Variants in ZBTB21 observed in about 807,000 individuals in gnomAD.
ZBTB21 encodes the protein zinc finger and BTB domain containing 21.
Under a neutral mutation model 39.8 loss-of-function variants are expected in ZBTB21, and 10 were observed. The ratio of observed to expected loss-of-function variants is 0.25; its 90% CI spans 0.16 to 0.43. ZBTB21 has a LOEUF of 0.43. Ranked by LOEUF, ZBTB21 falls within the 20% of genes least tolerant of loss-of-function variation. ZBTB21 has a pLI of 1.00. For synonymous variants in ZBTB21, 551 were observed against 498.8 expected, an observed-to-expected ratio of 1.10 and a Z score of -1.40; for missense variants, 1,221 against 1,296.3, an observed-to-expected ratio of 0.94 and a Z score of 0.89.
intron 2 of ZBTB21, among the ~76,000 whole-genome samples, chr21:41,994,739 C>T (rs2065722887): frequency 6.6e-6 from 1 of 152,176 alleles, no homozygotes. Context: ...GGACCACAAG[C>T]ACATGCCACC....
Position 41,993,016 on chromosome 21 carries a change from T to C in ZBTB21, c.1080A>G (p.Lys360=), listed in dbSNP as rs772128032. 56 of 1,614,212 alleles carry C rather than the reference T, an allele frequency of 3.5e-5. No individual in the cohort carries two copies. Among genetic ancestry groups the C allele is most frequent in the Non-Finnish European group, 4.2e-5 (50 of 1,180,036 alleles). Residue 360 remains lysine, a synonymous_variant, in exon 3 of 3, where the codon AAA becomes AAG. Coordinates refer to ENST00000310826, the MANE Select transcript of ZBTB21 (RefSeq NM_001098402.2). ...VPVYSPSIDL[K]SSQGSSSVSS... ...ACACCGAAGATGATCCCTGGGAAGA[T>C]TTCAAATCTATGGAAGGTGAATAGA...
rs185137215 is a variant in ZBTB21, at chr21:41,998,132, T to G, written c.-13-4024A>C. Among the ~76,000 whole-genome samples, 523 of 152,184 alleles carry G rather than the reference T, an allele frequency of 3.4e-3. 4 individuals are homozygous for G. The highest frequency in any genetic ancestry group is 5.5e-3 in the Non-Finnish European group (372 of 68,008). On this transcript the variant is annotated intron_variant, in intron 2 of 2. Coordinates refer to ENST00000310826, the MANE Select transcript of ZBTB21 (RefSeq NM_001098402.2). ...AGCCATTTCATGCAGAGACAATGCC[T>G]GACTCTGTGTATTTGACCCTTTATT...
At chr21:42,008,031 C>G (rs898353125) in intron 1 of ZBTB21, 1 of 152,284 alleles carries the variant, frequency 6.6e-6, no homozygotes, top group Non-Finnish European at 1.5e-5. Flanking sequence ...AACTCCACAA[C>G]TCTCGTCCCT....
rs374209894 is a variant in ZBTB21 at position 42,002,000 on chromosome 21, A to T, written c.-14+897T>A. ...AGGTGGCTTTGCCTGGTGAAAGGTA[A>T]AGGTACACATAGGGGAGGAAATGCC... On this transcript the variant is annotated intron_variant, in intron 2 of 2. Transcript: ENST00000310826. Among the ~76,000 whole-genome samples, 3 of 152,308 alleles carry T rather than the reference A, an allele frequency of 2.0e-5. No individual in the cohort carries two copies. In the East Asian group the frequency reaches 5.8e-4, roughly 29 times the overall value.
chr21:42,004,493 G>A (rs2065855340), intron 1 of ZBTB21, among the ~76,000 whole-genome samples: 1 of 151,820 alleles, frequency 6.6e-6, no homozygotes, highest in South Asian at 2.1e-4. Context: ...GGTACCAGGG[G>A]GTGAGTGAGG....
intron 1 of ZBTB21, chr21:42,009,180 G>A (rs13052134): frequency 0.024 from 3,602 of 152,148 alleles, 57 homozygotes; most frequent in Non-Finnish European, 0.039. Context: ...CCGTCCTCTC[G>A]GTCAGGCAAT....
Position 42,004,948 on chromosome 21 carries a change from G to T in ZBTB21, c.-78-1987C>A, listed in dbSNP as rs114398270. The stretch of plus-strand genomic sequence containing the variant: ...TTTCGGTCTTATCATCACTCACTTG[G>T]TGACAACGCAAATATCCTCAGATTT... On this transcript the variant is annotated intron_variant, in intron 1 of 2. Coordinates refer to ENST00000310826, the MANE Select transcript of ZBTB21 (RefSeq NM_001098402.2). Among the ~76,000 whole-genome samples, 384 of 152,298 alleles carry T rather than the reference G, an allele frequency of 2.5e-3. 4 individuals are homozygous for T. The highest frequency in any genetic ancestry group is 9.0e-3 in the African/African-American group (373 of 41,540).
intron 1 of ZBTB21, among the ~76,000 whole-genome samples, chr21:42,008,379 G>A (rs1310794560): frequency 6.9e-6 from 1 of 144,564 alleles, no homozygotes; most frequent in African/African-American, 2.6e-5. Flanking sequence ...TTAGCTGGGC[G>A]ATGTGGCGGA....
chr21:42,001,031 G>C (rs909679582), intron 2 of ZBTB21, among the ~76,000 whole-genome samples: 8 of 152,174 alleles, frequency 5.3e-5, no homozygotes, highest in African/African-American at 1.7e-4. Context: ...TTATTTTTAT[G>C]TATTAACTCA....
At chr21:41,995,795 C>T (rs544308838) in intron 2 of ZBTB21, among the ~76,000 whole-genome samples, 2 of 152,330 alleles carry the variant, frequency 1.3e-5, no homozygotes, top group East Asian at 3.9e-4. Context: ...CCCAGGGCCC[C>T]CTTTCTGTGT....
Position 41,991,974 on chromosome 21 carries a change from CTT to C in ZBTB21, c.2120_2121del (p.Lys707ArgfsTer21). On this transcript the variant is annotated frameshift_variant, in exon 3 of 3. Transcript: ENST00000310826. LOFTEE classifies it high-confidence loss of function. The surrounding 1 kb of genome is among the most constrained non-coding windows in gnomAD (Gnocchi z 4.9). ...ACTGGACTTGCAAGAGGAGCATGCT[CTT>C]TTGGTTTAGCAACTTTATTTACTCC... The part of the protein sequence containing the change: ...PLGVNKVAKP[K>X]EHAPLASPVE... 1 of 1,614,148 alleles carries C rather than the reference CTT, an allele frequency of 6.2e-7. No individual in the cohort carries two copies. The highest frequency in any genetic ancestry group is 8.5e-7 in the Non-Finnish European group (1 of 1,180,036).
intron 1 of ZBTB21, among the ~76,000 whole-genome samples, chr21:42,010,043 G>C (rs1434898706): frequency 1.3e-5 from 2 of 152,248 alleles, no homozygotes; most frequent in African/African-American, 2.4e-5. Flanking sequence ...GGTACAATCG[G>C]CTACGTGGGA....
intron 2 of ZBTB21, chr21:42,002,533 G>C (rs930069095): frequency 4.3e-4 from 65 of 152,292 alleles, no homozygotes; most frequent in African/African-American, 1.4e-3. Context: ...TTGTTGCCGG[G>C]TGTACTTTCT....
Position 41,994,026 on chromosome 21 carries a change from G to A in ZBTB21, c.70C>T (p.Arg24Cys), listed in dbSNP as rs2065712288. 1.2e-6 allele frequency: 2 copies of A among 1,614,104 alleles called. No homozygotes were observed. The highest frequency in any genetic ancestry group is 8.5e-7 in the Non-Finnish European group (1 of 1,179,980). ...ACATCACACAGCTGTCCTTTGAGACGCTCCTCATTCAGGGCACTTAGGAGA... is the reference window on the plus strand; with the variant it reads ...ACATCACACAGCTGTCCTTTGAGACACTCCTCATTCAGGGCACTTAGGAGA... ...ISLLSALNEE[R>C]LKGQLCDVLL... is the part of the protein sequence containing the mutation. Residue 24 changes from arginine to cysteine, a missense_variant, in exon 3 of 3, where the codon CGT becomes TGT. Coordinates refer to ENST00000310826, the MANE Select transcript of ZBTB21 (RefSeq NM_001098402.2).
rs1238595035 is a variant in ZBTB21 at position 41,990,116 on chromosome 21, T to G, written c.*779A>C. On this transcript the variant is annotated 3_prime_UTR_variant, in exon 3 of 3. Coordinates refer to ENST00000310826, the MANE Select transcript of ZBTB21 (RefSeq NM_001098402.2). ...AATTTAGACTGTGGTGCAGTGTACA[T>G]GTAACATGGTACAAGTTTTTATAAC... The G allele has an allele frequency of 6.6e-6, 1 of 152,300 alleles. No homozygotes were observed. Among genetic ancestry groups the G allele is most frequent in the African/African-American group, 2.4e-5 (1 of 41,460 alleles). The allele number at this position is 152,300 out of a possible 1,614,324, so 9.4% of individuals were successfully genotyped here.
chr21:41,993,098 C>A lies in ZBTB21; in HGVS notation c.998G>T (p.Gly333Val). The stretch of plus-strand genomic sequence containing the variant: ...TCTGAGGAGACTCTTAACAAGTGGG[C>A]CACTCCTGTCAATGCTTTGGTTTCC... ...GSGNQSIDRS[G>V]PLVKSLLRRS... is the part of the protein sequence containing the mutation. Residue 333 changes from glycine to valine, a missense_variant, in exon 3 of 3, where the codon GGC (glycine) becomes GTC (valine). This residue lies in a region of ZBTB21 where 500 missense variants were observed against 465.6 expected (regional missense o/e 1.07). Transcript: ENST00000310826. 1.2e-6 allele frequency: 2 copies of A among 1,614,210 alleles called. No individual in the cohort carries two copies. The highest frequency in any genetic ancestry group is 1.7e-6 in the Non-Finnish European group (2 of 1,180,034).
Position 41,991,322 on chromosome 21 carries a change from T to G in ZBTB21, c.2774A>C (p.Glu925Ala). Residue 925 changes from glutamate (E) to alanine (A), a missense_variant, in exon 3 of 3, where the codon GAG (glutamate) becomes GCG (alanine). Glu to Ala is a moderately radical substitution (Grantham distance 107, BLOSUM62 -1). Coordinates refer to ENST00000310826, the MANE Select transcript of ZBTB21 (RefSeq NM_001098402.2). The surrounding 1 kb of genome is among the most constrained non-coding windows in gnomAD (Gnocchi z 4.9). ...AGAGCACAGAAGCTCCTGGTGACGCTCCAGCTGCTTATGCACCGTGAACAT... is the reference window on the plus strand; with the variant it reads ...AGAGCACAGAAGCTCCTGGTGACGCGCCAGCTGCTTATGCACCGTGAACAT... ...GKMFTVHKQL[E>A]RHQELLCSVK... is the part of the protein sequence containing the mutation. 2 of 1,610,214 alleles carry G rather than the reference T, an allele frequency of 1.2e-6. No homozygotes were observed. Among genetic ancestry groups the G allele is most frequent in the Non-Finnish European group, 1.7e-6 (2 of 1,177,902 alleles).
chr21:42,004,028 C>G (rs894534422), intron 1 of ZBTB21, among the ~76,000 whole-genome samples: 1 of 142,150 alleles, frequency 7.0e-6, no homozygotes, highest in Admixed American at 7.2e-5. Flanking sequence ...TTTGAAGAGT[C>G]TCACTCTGTC....
intron 1 of ZBTB21, among the ~76,000 whole-genome samples, chr21:42,006,138 G>GCT (rs1601657661): frequency 6.6e-6 from 1 of 152,216 alleles, no homozygotes; most frequent in African/African-American, 2.4e-5. Context: ...TTCTTAGCCA[G>GCT]GTGTGGTGGC....
Sources: allele counts gnomAD v4.1 joint callset (sites outside exome capture counted in the v4.1 genomes callset), GRCh38; gene constraint gnomAD v4.1.1; regional missense constraint gnomAD v4.1.1; non-coding constraint Gnocchi (gnomAD v3.1); transcripts MANE v1.5; gene names NCBI Gene and HGNC (gene_info 2026-07-23, HGNC 2026-07-21).